Variants in ADARB2 observed in about 807,000 individuals in gnomAD.
ADARB2 encodes the protein inactive double-stranded RNA-specific editase B2.
In ADARB2, 25 loss-of-function variants were observed where a neutral mutation model predicts 62.2. That is an observed-to-expected ratio of 0.40 (90% CI 0.29 to 0.56). ADARB2 has a LOEUF of 0.56. Among genes scored for constraint, ADARB2 ranks in the 20% least tolerant of loss-of-function variants. The pLI is 0.43. For missense variants in ADARB2, 1,071 were observed against 1,077.4 expected (o/e 0.99, Z 0.08); for synonymous variants, 572 against 500.8 (o/e 1.14, Z -1.90).
At chr10:1,292,043 C>T (rs1263605314) in intron 3 of ADARB2, 4 of 152,416 alleles carry the variant, frequency 2.6e-5, no homozygotes, top group East Asian at 3.9e-4. Flanking sequence ...AGACTGACCT[C>T]GCCAGCCGCT....
At chr10:1,680,882 G>C (rs1056936928) in intron 1 of ADARB2, among the ~76,000 whole-genome samples, 1 of 152,172 alleles carries the variant, frequency 6.6e-6, no homozygotes, top group African/African-American at 2.4e-5. Flanking sequence ...GTCTACGAAG[G>C]CTGCAGCAGG....
At chr10:1,462,172 C>A (rs1831182747) in intron 1 of ADARB2, among the ~76,000 whole-genome samples, 1 of 151,956 alleles carries the variant, frequency 6.6e-6, no homozygotes, top group Non-Finnish European at 1.5e-5. Context: ...CACCCCCAGG[C>A]CCCCTGAGCA....
chr10:1,368,945 G>C (rs1832339917), intron 2 of ADARB2, among the ~76,000 whole-genome samples: 1 of 152,214 alleles, frequency 6.6e-6, no homozygotes, highest in Non-Finnish European at 1.5e-5. Context: ...CGTGGGGCTG[G>C]GCTGGGTGAG....
chr10:1,185,746 T>C (rs889096906), intron 8 of ADARB2, among the ~76,000 whole-genome samples: 2 of 152,242 alleles, frequency 1.3e-5, no homozygotes, highest in African/African-American at 4.8e-5. Context: ...ATGCTGGTCC[T>C]GTCCAGAGAG....
intron 1 of ADARB2, among the ~76,000 whole-genome samples, chr10:1,403,547 G>A (rs576645188): frequency 2.6e-5 from 4 of 152,292 alleles, no homozygotes; most frequent in African/African-American, 7.2e-5. Flanking sequence ...AACTTAGGCA[G>A]CAGCTCTGGG....
intron 1 of ADARB2, among the ~76,000 whole-genome samples, chr10:1,454,872 G>A (rs1426057416): frequency 6.6e-6 from 1 of 152,198 alleles, no homozygotes; most frequent in African/African-American, 2.4e-5. Flanking sequence ...GAAAAAAGAA[G>A]ACCCTTGCTG....
intron 1 of ADARB2, among the ~76,000 whole-genome samples, chr10:1,577,755 C>T (rs1433950895): frequency 6.6e-6 from 1 of 152,194 alleles, no homozygotes; most frequent in African/African-American, 2.4e-5. Context: ...CCCCAAAGTC[C>T]CATGCTGAAG....
rs142902139 is a variant in ADARB2 at position 1,686,613 on chromosome 10, C to T, written c.100+50438G>A. ...CGGGACTGTGAACCCGCTGGGCTTC[C>T]GGCACACAATTAGCTGATGCCATGG... On this transcript the variant is annotated intron_variant, in intron 1 of 9. Coordinates refer to ENST00000381312, the MANE Select transcript of ADARB2 (RefSeq NM_018702.4). Among the ~76,000 whole-genome samples the T allele has an allele frequency of 4.6e-3, 703 of 152,228 alleles. 5 individuals are homozygous for T. Among genetic ancestry groups the T allele is most frequent in the Middle Eastern group, 6.8e-3 (2 of 294 alleles).
intron 8 of ADARB2, 50 bp from the exon 9 acceptor site, chr10:1,185,089 G>A (rs143589074): frequency 5.7e-6 from 9 of 1,574,150 alleles, no homozygotes; most frequent in African/African-American, 2.7e-5. Flanking sequence ...GGCCTCACAC[G>A]GGGCTCCCCC....
intron 3 of ADARB2, among the ~76,000 whole-genome samples, chr10:1,325,968 T>C (rs747005581): frequency 6.6e-5 from 10 of 152,352 alleles, no homozygotes; most frequent in Admixed American, 2.6e-4. Context: ...TTACAATACT[T>C]GCTTTGCTGA....
chr10:1,577,148 G>A (rs867558164), intron 1 of ADARB2, among the ~76,000 whole-genome samples: 32 of 152,318 alleles, frequency 2.1e-4, no homozygotes, highest in Middle Eastern at 6.8e-3. Context: ...AGAAGCCCAG[G>A]TGCGCTCTGG....
At chr10:1,578,202 G>A (rs937180361) in intron 1 of ADARB2, among the ~76,000 whole-genome samples, 38 of 152,330 alleles carry the variant, frequency 2.5e-4, no homozygotes, top group African/African-American at 8.9e-4. Context: ...ACTTCCCGCA[G>A]CGGAACAGAT....
intron 1 of ADARB2, among the ~76,000 whole-genome samples, chr10:1,568,565 G>A (rs532889236): frequency 6.6e-6 from 1 of 151,092 alleles, no homozygotes; most frequent in Non-Finnish European, 1.5e-5. Context: ...AGAAAAGAAG[G>A]AAGGAAGAAA....
intron 3 of ADARB2, among the ~76,000 whole-genome samples, chr10:1,358,154 G>T (rs1832214928): frequency 6.6e-6 from 1 of 152,222 alleles, no homozygotes; most frequent in South Asian, 2.1e-4. Context: ...TGCCTCAACT[G>T]ATTGAAGCAA....
At chr10:1,530,094 C>T (rs1321369635) in intron 1 of ADARB2, among the ~76,000 whole-genome samples, 2 of 152,138 alleles carry the variant, frequency 1.3e-5, no homozygotes, top group Non-Finnish European at 2.9e-5. Context: ...CTGTCCACTG[C>T]CCCTGCCAAT....
At chr10:1,277,130 A>G (rs934217692) in intron 3 of ADARB2, among the ~76,000 whole-genome samples, 2 of 152,246 alleles carry the variant, frequency 1.3e-5, no homozygotes, top group African/African-American at 4.8e-5. Flanking sequence ...AATTTATAGC[A>G]CTAAATGCCC....
intron 3 of ADARB2, among the ~76,000 whole-genome samples, chr10:1,346,633 C>G (rs573343576): frequency 2.0e-5 from 3 of 152,238 alleles, no homozygotes; most frequent in Non-Finnish European, 4.4e-5. Flanking sequence ...TACAGAGGCA[C>G]TTGGTACTAG....
At chr10:1,610,819 CAG>C (rs960046104) in intron 1 of ADARB2, among the ~76,000 whole-genome samples, 2 of 107,784 alleles carry the variant, frequency 1.9e-5, no homozygotes, top group Non-Finnish European at 2.2e-5. Flanking sequence ...CAGACACATA[CAG>C]ACACAGACAT....
intron 1 of ADARB2, among the ~76,000 whole-genome samples, chr10:1,649,351 G>T (rs182375137): frequency 1.3e-5 from 2 of 152,320 alleles, no homozygotes; most frequent in Admixed American, 1.3e-4. Flanking sequence ...GCAATCTTCA[G>T]CATCGAGTAT....
Sources: allele counts gnomAD v4.1 joint callset (sites outside exome capture counted in the v4.1 genomes callset), GRCh38; gene constraint gnomAD v4.1.1; transcripts MANE v1.5; gene names NCBI Gene and HGNC (gene_info 2026-07-23, HGNC 2026-07-21).